The following USP34 variants were observed in gnomAD, a reference collection of about 807,000 sequenced individuals.
USP34 encodes the protein ubiquitin specific peptidase 34.
A neutral mutation model predicts 460.3 loss-of-function variants in USP34; 70 were observed. The ratio of observed to expected loss-of-function variants is 0.15; its 90% CI spans 0.13 to 0.19. The LOEUF (loss-of-function observed/expected upper bound fraction) is 0.19. Among genes scored for constraint, USP34 ranks in the 10% least tolerant of loss-of-function variants. The pLI, the probability that USP34 is intolerant of heterozygous loss-of-function variation, is 1.00. For synonymous variants in USP34, 1,647 were observed against 1,405.3 expected (o/e 1.17, Z -3.85); for missense variants, 3,985 against 4,236.2 (o/e 0.94, Z 1.65).
intron 1 of USP34, among the ~76,000 whole-genome samples, chr2:61,423,273 C>A (rs1388281902): frequency 6.6e-6 from 1 of 152,030 alleles, no homozygotes; most frequent in Non-Finnish European, 1.5e-5. Flanking sequence ...ACCATCACGC[C>A]TGGCTAGTTT....
At chr2:61,328,256 C>A (rs1691156395) in intron 20 of USP34, among the ~76,000 whole-genome samples, 1 of 146,314 alleles carries the variant, frequency 6.8e-6, no homozygotes, top group Non-Finnish European at 1.5e-5. Context: ...GAGCTGAGAT[C>A]ACGACATTGC....
chr2:61,463,803 C>T (rs930031642), intron 1 of USP34, among the ~76,000 whole-genome samples: 1 of 150,742 alleles, frequency 6.6e-6, no homozygotes, highest in Non-Finnish European at 1.5e-5. Flanking sequence ...CATTGCACAC[C>T]AGCCTGGGCA....
intron 48 of USP34, chr2:61,249,951 G>A (rs192636373): frequency 2.1e-4 from 35 of 166,720 alleles, no homozygotes; most frequent in Admixed American, 5.2e-4. Flanking sequence ...GCATTGGAGA[G>A]AAAAACAGCT....
chr2:61,221,782 G>A, intron 65 of USP34, 176 bp from the exon 66 acceptor site: 1 of 491,870 alleles, frequency 2.0e-6, no homozygotes, highest in Non-Finnish European at 3.4e-6. Flanking sequence ...ATCAGCGAGG[G>A]GTACAAAGTC....
chr2:61,389,405 T>C (rs908194283), intron 5 of USP34, among the ~76,000 whole-genome samples: 10 of 152,208 alleles, frequency 6.6e-5, no homozygotes, highest in African/African-American at 1.4e-4. Context: ...TCAGAGGGCA[T>C]AGTTATATCT....
At chr2:61,332,323 G>A (rs1691294734) in intron 19 of USP34, among the ~76,000 whole-genome samples, 1 of 152,020 alleles carries the variant, frequency 6.6e-6, no homozygotes, top group Non-Finnish European at 1.5e-5. Context: ...TGTTACTGAT[G>A]TCAAATAACC....
At chr2:61,194,319 A>G in intron 75 of USP34, 5 of 984,964 alleles carry the variant, frequency 5.1e-6, no homozygotes, top group Non-Finnish European at 6.0e-6. Flanking sequence ...CGGTATCACC[A>G]CACACATAGG....
At chr2:61,398,381 G>A (rs1203629350) in intron 3 of USP34, among the ~76,000 whole-genome samples, 2 of 148,442 alleles carry the variant, frequency 1.3e-5, no homozygotes, top group African/African-American at 5.0e-5. Context: ...AAGGAGGAGA[G>A]AGATGGGGGA....
chr2:61,469,996 G>A (rs1036042174), intron 1 of USP34, among the ~76,000 whole-genome samples: 2 of 152,184 alleles, frequency 1.3e-5, no homozygotes, highest in African/African-American at 2.4e-5. Context: ...ACAGTGCTCT[G>A]CTTAACAGAA....
At chr2:61,328,540 T>A (rs1204525339) in intron 20 of USP34, among the ~76,000 whole-genome samples, 1 of 152,110 alleles carries the variant, frequency 6.6e-6, no homozygotes, top group South Asian at 2.1e-4. Context: ...GGAAATTGTA[T>A]CAAAATAGTC....
chr2:61,370,814 T>C lies in USP34; in HGVS notation c.1077-235A>G, dbSNP rs73936128. Reference sequence around the variant, plus strand: ...CAACGAATAACTGAAAAGGTAACGATTAACACCAAGTACACAAGTGTAACA... The same window carrying C: ...CAACGAATAACTGAAAAGGTAACGACTAACACCAAGTACACAAGTGTAACA... On this transcript the variant is annotated intron_variant, in intron 8 of 79. Coordinates refer to ENST00000398571, the MANE Select transcript of USP34 (RefSeq NM_014709.4). 1.1e-3 allele frequency among the ~76,000 whole-genome samples: 171 copies of C among 152,276 alleles called. 6 individuals carry two copies. The highest frequency in any genetic ancestry group is 9.9e-3 in the Admixed American group (151 of 15,290).
At chr2:61,231,455 A>G (rs1221636841) in intron 58 of USP34, among the ~76,000 whole-genome samples, 1 of 152,190 alleles carries the variant, frequency 6.6e-6, no homozygotes, top group Non-Finnish European at 1.5e-5. Context: ...GCTCACAACT[A>G]TAATCCCAGA....
In USP34 at chr2:61,408,512, C is replaced by T. The variant is rs193089594; in HGVS notation, c.132-2384G>A. On this transcript the variant is annotated intron_variant, in intron 2 of 79. Transcript: ENST00000398571. ...GCTTTACAATTCTATAGTATCACAA[C>T]TCCCACAAGAAGAAAAATAAACACA... Among the ~76,000 whole-genome samples, 309 of 152,248 alleles carry T rather than the reference C, an allele frequency of 2.0e-3. 1 individual carries two copies. The highest frequency in any genetic ancestry group is 3.9e-3 in the Non-Finnish European group (263 of 68,012).
intron 1 of USP34, among the ~76,000 whole-genome samples, chr2:61,440,933 C>T (rs1283303725): frequency 1.3e-5 from 2 of 151,698 alleles, no homozygotes; most frequent in Admixed American, 6.6e-5. Flanking sequence ...CGAGACCATC[C>T]TGGCTAACAC....
At chr2:61,288,162 C>T (rs1376290972) in intron 34 of USP34, among the ~76,000 whole-genome samples, 1 of 152,144 alleles carries the variant, frequency 6.6e-6, no homozygotes, top group Non-Finnish European at 1.5e-5. Context: ...AGCATAAGAG[C>T]GTAACTGCTT....
intron 2 of USP34, chr2:61,416,988 T>G (rs1410672182): frequency 9.1e-6 from 12 of 1,314,748 alleles, no homozygotes; most frequent in African/African-American, 1.4e-5. Context: ...TATCTTCAAA[T>G]TCATCGGCAT....
chr2:61,368,439 A>T (rs991392451), intron 10 of USP34, among the ~76,000 whole-genome samples: 3 of 152,182 alleles, frequency 2.0e-5, no homozygotes, highest in Non-Finnish European at 4.4e-5. Context: ...CTCAAAAAAA[A>T]AAAAGAAGAA....
intron 41 of USP34, among the ~76,000 whole-genome samples, chr2:61,273,042 CT>C (rs1216526195): frequency 3.9e-5 from 6 of 152,168 alleles, no homozygotes; most frequent in African/African-American, 1.4e-4. Context: ...CCTGCAACAA[CT>C]GTATACACAA....
At chr2:61,243,137 T>G (rs1688319927) in intron 51 of USP34, among the ~76,000 whole-genome samples, 1 of 151,586 alleles carries the variant, frequency 6.6e-6, no homozygotes, top group East Asian at 1.9e-4. Flanking sequence ...TGAGCCACCA[T>G]GCCCAGCGTA....
Sources: gnomAD v4.1 joint callset for allele counts (sites outside exome capture counted in the v4.1 genomes callset) on GRCh38, gnomAD v4.1.1 for gene constraint, MANE v1.5 for transcripts, NCBI Gene and HGNC (gene_info 2026-07-23, HGNC 2026-07-21) for gene names.